C19orf47: variants seen among roughly 807,000 people sequenced by gnomAD.
C19orf47 encodes the protein chromosome 19 open reading frame 47.
Under a neutral mutation model 32.3 loss-of-function variants are expected in C19orf47, and 18 were observed. The observed-to-expected ratio is 0.56, with a 90% CI of 0.39 to 0.83. C19orf47 has a LOEUF of 0.83. C19orf47 is among the 40% of genes least tolerant of loss of function. The pLI is 0.00. For synonymous variants in C19orf47, 202 were observed against 211.1 expected (o/e 0.96, Z 0.37); for missense variants, 484 against 531.6 (o/e 0.91, Z 0.88).
intron 1 of C19orf47, among the ~76,000 whole-genome samples, chr19:40,344,316 T>C (rs938817217): frequency 3.3e-5 from 5 of 151,328 alleles, no homozygotes; most frequent in Non-Finnish European, 7.4e-5. Context: ...CCATCTCTAC[T>C]AAAAATACAA....
intron 8 of C19orf47, among the ~76,000 whole-genome samples, 199 bp from the exon 9 acceptor site, chr19:40,322,575 T>C (rs1218341741): frequency 7.0e-6 from 1 of 143,096 alleles, no homozygotes; most frequent in East Asian, 2.1e-4. Flanking sequence ...CTGACCTTCC[T>C]AGAAGTTCAG....
chr19:40,322,138 G>A lies in C19orf47; in HGVS notation c.902C>T (p.Ser301Phe), dbSNP rs146647127. The A allele has an allele frequency of 2.5e-5, 40 of 1,613,848 alleles. No homozygotes were observed. The highest frequency in any genetic ancestry group is 5.0e-5 in the Admixed American group (3 of 60,010). The change falls in exon 9 of 9, where the codon TCT becomes TTT. Residue 301 changes from serine (S) to phenylalanine (F), a missense_variant. Physicochemically the swap from Ser to Phe is radical, Grantham distance 155. Around this residue, in one of 3 missense-constraint regions of C19orf47, gnomAD observed 376 missense variants for 370.2 expected, o/e 1.02. Coordinates refer to ENST00000683109, the MANE Select transcript of C19orf47 (RefSeq NM_001256441.2). Reference sequence around the variant, plus strand: ...GGACTCCGGCTTCCTCTCAAGCCCAGACCGTGAGGAAAGCGCCAGGCGCCG... The same window carrying A: ...GGACTCCGGCTTCCTCTCAAGCCCAAACCGTGAGGAAAGCGCCAGGCGCCG... The part of the protein sequence containing the change: ...TLRRLALSSR[S>F]GLERKPESLS...
At chr19:40,305,322 G>A in the C19orf47 span, among the ~76,000 whole-genome samples, 2 of 149,230 alleles carry the variant, frequency 1.3e-5, no homozygotes, top group South Asian at 2.1e-4. Flanking sequence ...CAGCCTGGGC[G>A]ACACAGTCAG....
In C19orf47 at chr19:40,321,270, C is replaced by T. The variant is rs1010963912; in HGVS notation, c.*612G>A. The stretch of plus-strand genomic sequence containing the variant: ...GAGGGCGGCTAACAGTCTCAACAGG[C>T]TCGACGCCACCGCCGACGAGGGGGC... On this transcript the variant is annotated 3_prime_UTR_variant, in exon 9 of 9. Coordinates refer to ENST00000683109, the MANE Select transcript of C19orf47 (RefSeq NM_001256441.2). 3.0e-6 allele frequency: 3 copies of T among 986,616 alleles called. No homozygotes were observed. The African/African-American group carries it at 5.2e-5, about 17-fold the overall frequency. 61.1% of individuals were successfully genotyped at this position (986,616 alleles called of 1,614,324 possible). A position where few individuals can be genotyped will look rare whatever the true frequency, so the allele number is the denominator to read the frequency against.
intron 5 of C19orf47, among the ~76,000 whole-genome samples, chr19:40,331,002 G>C (rs1260014545): frequency 6.6e-6 from 1 of 152,184 alleles, no homozygotes; most frequent in African/African-American, 2.4e-5. Flanking sequence ...TGTCCCATCT[G>C]TGAATGGCAC....
At chr19:40,324,411 G>T in intron 7 of C19orf47, 1 of 359,000 alleles carries the variant, frequency 2.8e-6, no homozygotes, top group Non-Finnish European at 5.2e-6. Context: ...TCTGATGAGT[G>T]GTAGTGCATC....
rs140246217 is a variant in C19orf47, at chr19:40,322,332, G to C, written c.708C>G (p.Asp236Glu). 1.9e-6 allele frequency: 3 copies of C among 1,602,508 alleles called. No individual in the cohort carries two copies. The highest frequency in any genetic ancestry group is 2.6e-6 in the Non-Finnish European group (3 of 1,173,604). ...FSRLGATPETDEDLAWDSDND... is the reference protein window; with the variant it reads ...FSRLGATPETEEDLAWDSDND... Reference sequence around the variant, plus strand: ...TGTCGCTGTCCCAAGCCAGATCCTCGTCCGTTTCTGGGGTGGCCCCCAGGC... The same window carrying C: ...TGTCGCTGTCCCAAGCCAGATCCTCCTCCGTTTCTGGGGTGGCCCCCAGGC... The change falls in exon 9 of 9, where the codon GAC (aspartate) becomes GAG (glutamate). Residue 236 changes from aspartate to glutamate, a missense_variant. Transcript: ENST00000683109.
At chr19:40,336,041 T>C (rs1426078236) in intron 4 of C19orf47, 69 bp downstream of exon 4, 6 of 1,431,012 alleles carry the variant, frequency 4.2e-6, no homozygotes, top group Admixed American at 1.8e-5. Context: ...AGGCCTCCCA[T>C]TGGCTCTGCA....
chr19:40,318,462 C>T (rs2077678243), downstream of C19orf47, among the ~76,000 whole-genome samples: 2 of 152,118 alleles, frequency 1.3e-5, no homozygotes, highest in African/African-American at 2.4e-5. Context: ...CATTGCAGTT[C>T]CTATTACACA....
Position 40,328,510 on chromosome 19 carries a change from A to G in C19orf47, c.342T>C (p.Ser114=), listed in dbSNP as rs750438538. 3.1e-6 allele frequency: 5 copies of G among 1,610,794 alleles called. No homozygotes were observed. In the Admixed American group the frequency reaches 6.7e-5, roughly 22 times the overall value. Residue 114 remains serine (S), a synonymous_variant, in exon 6 of 9, where the codon TCT becomes TCC. Coordinates refer to ENST00000683109, the MANE Select transcript of C19orf47 (RefSeq NM_001256441.2). ...RMITNSLNHD[S]PPSTPPRRPD... is the part of the protein sequence containing the mutation. ...GGCGCCTGGGGGGTGTGCTGGGTGG[A>G]GAGTCATGGTTCAGGCTGTTGGTGA...
the C19orf47 span, among the ~76,000 whole-genome samples, chr19:40,300,732 T>C: frequency 6.6e-6 from 1 of 152,156 alleles, no homozygotes; most frequent in East Asian, 1.9e-4. Flanking sequence ...CCCAAATTGC[T>C]TCTTCAAGAT....
Position 40,341,848 on chromosome 19 carries a change from C to T in C19orf47, c.10G>A (p.Val4Met), listed in dbSNP as rs982079471. ...AAGGCCACAGACTCACCCATAGTCA[C>T]GGAGACCATCGTCTCCCTGGCCCTG... The part of the protein sequence containing the change: MVS[V>M]TMATSEWIQF... The change falls in exon 2 of 9, where the codon GTG becomes ATG. Residue 4 changes from valine (V) to methionine (M), a missense_variant. Around this residue, in one of 3 missense-constraint regions of C19orf47, gnomAD observed 57 missense variants for 86.9 expected, o/e 0.66. Coordinates refer to ENST00000683109, the MANE Select transcript of C19orf47 (RefSeq NM_001256441.2). 2.7e-5 allele frequency: 41 copies of T among 1,536,042 alleles called. No individual in the cohort carries two copies. Among genetic ancestry groups the T allele is most frequent in the African/African-American group, 6.8e-5 (5 of 73,048 alleles).
chr19:40,317,017 C>A (rs2077666721), downstream of C19orf47, among the ~76,000 whole-genome samples: 1 of 152,054 alleles, frequency 6.6e-6, no homozygotes, highest in African/African-American at 2.4e-5. Flanking sequence ...TTTGTAGTCT[C>A]TGAGGAAGGG....
At chr19:40,324,845 A>G (rs1173320180) in intron 7 of C19orf47, among the ~76,000 whole-genome samples, 1 of 152,118 alleles carries the variant, frequency 6.6e-6, no homozygotes, top group East Asian at 1.9e-4. Context: ...GGTGGCCCAC[A>G]TCTATAGTCC....
At chr19:40,317,623 A>G (rs1409977813), downstream of C19orf47, among the ~76,000 whole-genome samples, 1 of 152,088 alleles carries the variant, frequency 6.6e-6, no homozygotes, top group Admixed American at 6.5e-5. Context: ...TCTCAAGGCG[A>G]GCAGCATCCT....
At chr19:40,322,538 G>A (rs973855226) in intron 8 of C19orf47, among the ~76,000 whole-genome samples, 162 bp from the exon 9 acceptor site, 1 of 152,240 alleles carries the variant, frequency 6.6e-6, no homozygotes, top group Non-Finnish European at 1.5e-5. Context: ...GGGAGTCCAG[G>A]GGACTGGAGG....
chr19:40,317,975 C>T (rs1568598420), downstream of C19orf47, among the ~76,000 whole-genome samples: 1 of 152,164 alleles, frequency 6.6e-6, no homozygotes, highest in Non-Finnish European at 1.5e-5. Context: ...CTGCCTCAGC[C>T]TCCCAAAGTG....
At chr19:40,337,682 C>G (rs529903594) in intron 2 of C19orf47, among the ~76,000 whole-genome samples, 2 of 152,286 alleles carry the variant, frequency 1.3e-5, no homozygotes, top group African/African-American at 2.4e-5. Context: ...AGCAGGGAAA[C>G]AGACACACAG....
At position 40,322,250 on chromosome 19, in the gene C19orf47, C is replaced by A; in HGVS notation, c.790G>T (p.Gly264Cys). The A allele has an allele frequency of 6.2e-7, 1 of 1,608,838 alleles. No homozygotes were observed. The highest frequency in any genetic ancestry group is 8.5e-7 in the Non-Finnish European group (1 of 1,179,990). ...YAGVLKKLGRGPAKASPQPAL... is the reference protein window; with the variant it reads ...YAGVLKKLGRCPAKASPQPAL... ...GGCTGGGGACTGGCCTTGGCTGGGC[C>A]CCGTCCTAGCTTCTTCAGGACCCCG... The change falls in exon 9 of 9, where the codon GGC (glycine) becomes TGC (cysteine). Residue 264 changes from glycine to cysteine, a missense_variant. Around this residue, in one of 3 missense-constraint regions of C19orf47, gnomAD observed 376 missense variants for 370.2 expected, o/e 1.02. Transcript: ENST00000683109.
Sources: allele counts gnomAD v4.1 joint callset (sites outside exome capture counted in the v4.1 genomes callset), GRCh38; gene constraint gnomAD v4.1.1; regional missense constraint gnomAD v4.1.1; transcripts MANE v1.5; gene names NCBI Gene and HGNC (gene_info 2026-07-23, HGNC 2026-07-21).